Variants in NMNAT2 observed in about 807,000 individuals in gnomAD.
The protein encoded by NMNAT2 is nicotinamide nucleotide adenylyltransferase 2.
Under a neutral mutation model 41.6 loss-of-function variants are expected in NMNAT2, and 11 were observed. The ratio of observed to expected loss-of-function variants is 0.26; its 90% CI spans 0.17 to 0.44. The LOEUF (loss-of-function observed/expected upper bound fraction) is 0.44. NMNAT2 is among the 20% of genes least tolerant of loss of function. The probability of loss-of-function intolerance (pLI) is 1.00; values close to 1 mark genes in which losing one functional copy is unlikely to be tolerated. For missense variants in NMNAT2, 288 were observed against 407.7 expected (o/e 0.71, Z 2.53); for synonymous variants, 148 against 151.2 (o/e 0.98, Z 0.16).
chr1:183,323,017 C>T (rs550088168), intron 1 of NMNAT2, among the ~76,000 whole-genome samples: 3 of 152,210 alleles, frequency 2.0e-5, no homozygotes, highest in East Asian at 3.9e-4. Flanking sequence ...CTGCAACCTC[C>T]GCCTCCCAGG....
intron 1 of NMNAT2, among the ~76,000 whole-genome samples, chr1:183,366,140 C>T (rs1429783604): frequency 1.3e-5 from 2 of 152,248 alleles, no homozygotes; most frequent in Non-Finnish European, 2.9e-5. Flanking sequence ...CTACTAACTA[C>T]ATGCATGGCA....
At chr1:183,370,255 C>T (rs1192489834) in intron 1 of NMNAT2, among the ~76,000 whole-genome samples, 1 of 151,426 alleles carries the variant, frequency 6.6e-6, no homozygotes, top group East Asian at 1.9e-4. Flanking sequence ...CACACACACA[C>T]ACACACACAC....
intron 1 of NMNAT2, among the ~76,000 whole-genome samples, chr1:183,320,872 G>GGGAGATT: frequency 6.6e-6 from 1 of 152,314 alleles, no homozygotes; most frequent in Non-Finnish European, 1.5e-5. Flanking sequence ...AGGGAAGTAG[G>GGGAGATT]GGAGATTGGT....
chr1:183,372,084 T>C (rs1286681986), intron 1 of NMNAT2, among the ~76,000 whole-genome samples: 2 of 152,108 alleles, frequency 1.3e-5, no homozygotes, highest in Non-Finnish European at 2.9e-5. Context: ...CCCAGCCATA[T>C]CTTCTCCTCT....
chr1:183,394,572 G>A (rs566840721), intron 1 of NMNAT2, among the ~76,000 whole-genome samples: 1 of 152,304 alleles, frequency 6.6e-6, no homozygotes, highest in East Asian at 1.9e-4. Flanking sequence ...AGACAATGGG[G>A]TAGGACAGGA....
intron 5 of NMNAT2, among the ~76,000 whole-genome samples, chr1:183,285,656 A>G (rs1661381919): frequency 1.3e-5 from 2 of 152,190 alleles, no homozygotes; most frequent in African/African-American, 4.8e-5. Context: ...CTTGAAGAAA[A>G]TTTTAGAGCA....
At chr1:183,369,826 T>C (rs1483682298) in intron 1 of NMNAT2, among the ~76,000 whole-genome samples, 1 of 152,070 alleles carries the variant, frequency 6.6e-6, no homozygotes, top group Non-Finnish European at 1.5e-5. Context: ...CATGCTACTT[T>C]CCGTCTTAAT....
chr1:183,413,602 C>CTTTTTTTTTTT (rs71130613), intron 1 of NMNAT2, among the ~76,000 whole-genome samples: 19 of 82,534 alleles, frequency 2.3e-4, no homozygotes, highest in African/African-American at 8.4e-4. Flanking sequence ...TCTTTTCTTT[C>CTTTTTTTTTTT]TTTTTTTTTT....
chr1:183,297,347 C>T (rs1295077311), intron 1 of NMNAT2, among the ~76,000 whole-genome samples: 1 of 151,540 alleles, frequency 6.6e-6, no homozygotes, highest in Middle Eastern at 3.4e-3. Context: ...ACCAAGTCTA[C>T]ATAAACTCTT....
At chr1:183,325,592 G>C (rs1470312750) in intron 1 of NMNAT2, among the ~76,000 whole-genome samples, 1 of 152,124 alleles carries the variant, frequency 6.6e-6, no homozygotes, top group Non-Finnish European at 1.5e-5. Flanking sequence ...CACCTGGGCT[G>C]GAGTGACTTT....
At chr1:183,400,051 A>T (rs1309974188) in intron 1 of NMNAT2, among the ~76,000 whole-genome samples, 1 of 152,212 alleles carries the variant, frequency 6.6e-6, no homozygotes, top group Non-Finnish European at 1.5e-5. Flanking sequence ...TAGTGTTGGA[A>T]GTTCTGGCCA....
chr1:183,270,848 C>T (rs1660967897), intron 8 of NMNAT2, among the ~76,000 whole-genome samples: 2 of 152,212 alleles, frequency 1.3e-5, no homozygotes, highest in South Asian at 4.1e-4. Flanking sequence ...TGATAAAAAC[C>T]ATCTGAGCCT....
intron 1 of NMNAT2, among the ~76,000 whole-genome samples, chr1:183,327,872 G>T (rs149016011): frequency 6.6e-6 from 1 of 152,010 alleles, no homozygotes; most frequent in African/African-American, 2.4e-5. Context: ...CCCTGTCCTC[G>T]CTGGCCCTGT....
intron 1 of NMNAT2, among the ~76,000 whole-genome samples, chr1:183,383,166 C>T (rs752328477): frequency 1.5e-4 from 23 of 152,344 alleles, no homozygotes; most frequent in Non-Finnish European, 3.1e-4. Context: ...CTCTCTGGAG[C>T]AGCAGCCTGA....
intron 8 of NMNAT2, among the ~76,000 whole-genome samples, chr1:183,273,668 C>T (rs1371869452): frequency 6.6e-6 from 1 of 152,192 alleles, no homozygotes; most frequent in Non-Finnish European, 1.5e-5. Flanking sequence ...CACTGAGGTG[C>T]TAAGTAATTT....
intron 1 of NMNAT2, among the ~76,000 whole-genome samples, chr1:183,340,179 G>A (rs1467014394): frequency 1.3e-5 from 2 of 152,190 alleles, no homozygotes; most frequent in Non-Finnish European, 2.9e-5. Flanking sequence ...AAGCTCTGAA[G>A]AGCAGACATC....
In NMNAT2 at chr1:183,389,736, AAAAGAAAGAAAGAAAG is replaced by A. The variant is rs1186159050; in HGVS notation, c.85+28431_85+28446del. On this transcript the variant is annotated intron_variant, in intron 1 of 10. Coordinates refer to ENST00000287713, the MANE Select transcript of NMNAT2 (RefSeq NM_015039.4). ...GGGCAACAGAGCAAGACCCTGTCAA[AAAAGAAAGAAAGAAAG>A]AAAGAAAGAAAGAAAGAAAGAAAGA... Among the ~76,000 whole-genome samples the A allele has an allele frequency of 7.9e-3, 600 of 76,392 alleles. 40 individuals are homozygous for A. Among genetic ancestry groups the A allele is most frequent in the Middle Eastern group, 0.013 (2 of 150 alleles). The allele number at this position is 76,392 out of a possible 152,430, so 50.1% of individuals were successfully genotyped here.
intron 6 of NMNAT2, among the ~76,000 whole-genome samples, chr1:183,284,343 T>C (rs1661346289): frequency 6.6e-6 from 1 of 152,172 alleles, no homozygotes; most frequent in Non-Finnish European, 1.5e-5. Flanking sequence ...TTTCTGTGTT[T>C]GAGGGAGGCT....
At chr1:183,335,091 A>C (rs1044965105) in intron 1 of NMNAT2, among the ~76,000 whole-genome samples, 2 of 152,232 alleles carry the variant, frequency 1.3e-5, no homozygotes, top group Admixed American at 1.3e-4. Flanking sequence ...GGTACCTTAC[A>C]GGTATCTCCT....
Sources: gnomAD v4.1 joint callset for allele counts (sites outside exome capture counted in the v4.1 genomes callset) on GRCh38, gnomAD v4.1.1 for gene constraint, MANE v1.5 for transcripts, NCBI Gene and HGNC (gene_info 2026-07-23, HGNC 2026-07-21) for gene names.